GAREM1: variants seen among roughly 807,000 people sequenced by gnomAD.
GAREM1 encodes GRB2 associated regulator of MAPK1 subtype 1.
A neutral mutation model predicts 71.3 loss-of-function variants in GAREM1; 26 were observed. The observed-to-expected ratio is 0.36, with a 90% confidence interval of 0.27 to 0.51. The LOEUF (loss-of-function observed/expected upper bound fraction) is 0.51. Ranked by LOEUF, GAREM1 falls within the 20% of genes least tolerant of loss-of-function variation. The pLI, the probability that GAREM1 is intolerant of heterozygous loss-of-function variation, is 0.95. For missense variants in GAREM1, 1,026 were observed against 1,103.1 expected, an observed-to-expected ratio of 0.93 and a Z score of 0.99; for synonymous variants, 440 against 433.2, an observed-to-expected ratio of 1.02 and a Z score of -0.20.
At chr18:32,456,306 G>A (rs2048888649) in intron 1 of GAREM1, among the ~76,000 whole-genome samples, 1 of 152,128 alleles carries the variant, frequency 6.6e-6, no homozygotes, top group East Asian at 1.9e-4. Context: ...CCACAGAAGA[G>A]CAAGTCCGAG....
chr18:32,434,237 A>G lies in GAREM1; in HGVS notation c.121+36071T>C, dbSNP rs191811078. Among the ~76,000 whole-genome samples the G allele has an allele frequency of 3.5e-4, 53 of 152,330 alleles. 1 individual carries two copies. The East Asian group carries it at 9.8e-3, about 28-fold the overall frequency. ...CCTTGTTGTGTTAGGTATCAGAGTT[A>G]TACACTATGAACTCCTGAGTTCATA... On this transcript the variant is annotated intron_variant, in intron 1 of 5. Transcript: ENST00000269209.
chr18:32,287,586 A>T lies in GAREM1; in HGVS notation c.1011T>A (p.Asp337Glu). The T allele has an allele frequency of 6.2e-7, 1 of 1,614,070 alleles. No homozygotes were observed. Among genetic ancestry groups the T allele is most frequent in the Non-Finnish European group, 8.5e-7 (1 of 1,179,958 alleles). Residue 337 changes from aspartate (D) to glutamate (E), a missense_variant, in exon 4 of 6, where the codon GAT becomes GAA. Around this residue, in one of 3 missense-constraint regions of GAREM1, gnomAD observed 218 missense variants for 296.8 expected, o/e 0.73. Coordinates refer to ENST00000269209, the MANE Select transcript of GAREM1 (RefSeq NM_001242409.2). The surrounding 1 kb of genome is among the most constrained non-coding windows in gnomAD (Gnocchi z 5.9). ...CATCACGGACAGCCCGTGAATACTC[A>T]TCGATGTCGAACTGTTCTTGGCAGA... Reference protein sequence around the residue: ...LGICQEQFDIDEYSRAVRDVK... With the variant: ...LGICQEQFDIEEYSRAVRDVK...
chr18:32,379,476 C>CG (rs1223060715), intron 2 of GAREM1, among the ~76,000 whole-genome samples: 2 of 57,492 alleles, frequency 3.5e-5, no homozygotes, highest in Admixed American at 2.3e-4. Flanking sequence ...GGGTGGGGGG[C>CG]GGGGTGGATC....
At chr18:32,348,135 C>T (rs2047713759) in intron 2 of GAREM1, among the ~76,000 whole-genome samples, 1 of 152,116 alleles carries the variant, frequency 6.6e-6, no homozygotes, top group African/African-American at 2.4e-5. Flanking sequence ...GATACATTTG[C>T]CATAGAGCAA....
intron 2 of GAREM1, among the ~76,000 whole-genome samples, chr18:32,364,679 T>C (rs1473926021): frequency 1.3e-5 from 2 of 152,174 alleles, no homozygotes; most frequent in Non-Finnish European, 2.9e-5. Context: ...CAAATTAAGG[T>C]TGGTAAAATA....
intron 4 of GAREM1, among the ~76,000 whole-genome samples, chr18:32,282,109 C>T (rs978961498): frequency 2.0e-5 from 3 of 152,212 alleles, no homozygotes; most frequent in South Asian, 2.1e-4. Flanking sequence ...TATCTCCCTT[C>T]GCTGACTCTC....
intron 2 of GAREM1, among the ~76,000 whole-genome samples, chr18:32,339,488 T>C (rs539734683): frequency 5.9e-5 from 9 of 152,296 alleles, no homozygotes; most frequent in African/African-American, 2.2e-4. Flanking sequence ...GGAATCCTTA[T>C]AGACTGAAAT....
intron 2 of GAREM1, among the ~76,000 whole-genome samples, chr18:32,356,103 T>A (rs958234782): frequency 1.3e-5 from 2 of 152,186 alleles, no homozygotes; most frequent in African/African-American, 4.8e-5. Flanking sequence ...CTTGGTTTGT[T>A]TTAAGGAGCA....
At chr18:32,307,040 G>A (rs1447126296) in intron 3 of GAREM1, among the ~76,000 whole-genome samples, 1 of 152,084 alleles carries the variant, frequency 6.6e-6, no homozygotes, top group South Asian at 2.1e-4. Context: ...AATAGTACTA[G>A]TACTAGCCAT....
intron 2 of GAREM1, among the ~76,000 whole-genome samples, chr18:32,322,871 C>A (rs76120334): frequency 1.1e-4 from 16 of 152,186 alleles, no homozygotes; most frequent in Admixed American, 3.3e-4. Flanking sequence ...CTTAATTAGA[C>A]CGCAGTGCCG....
Position 32,470,841 on chromosome 18 carries a change from G to C in GAREM1, c.-413C>G, listed in dbSNP as rs1481616420. 1.3e-5 allele frequency among the ~76,000 whole-genome samples: 2 copies of C among 150,414 alleles called. No individual in the cohort carries two copies. The highest frequency in any genetic ancestry group is 3.0e-5 in the Non-Finnish European group (2 of 67,430). Reference sequence around the variant, plus strand: ...CGCCTCGAGCGTGTGAGGAGGAGCCGCGGGTCTGAGAAACGCCATAGCAGC... The same window carrying C: ...CGCCTCGAGCGTGTGAGGAGGAGCCCCGGGTCTGAGAAACGCCATAGCAGC... On this transcript the variant is annotated 5_prime_UTR_variant, in exon 1 of 6. Transcript: ENST00000269209. The surrounding 1 kb of genome is among the most constrained non-coding windows in gnomAD (Gnocchi z 4.4).
intron 3 of GAREM1, among the ~76,000 whole-genome samples, chr18:32,298,511 T>C (rs2047165353): frequency 6.6e-6 from 1 of 152,144 alleles, no homozygotes; most frequent in Non-Finnish European, 1.5e-5. Context: ...ATTCAAAGTG[T>C]GTTATCTAAA....
intron 2 of GAREM1, among the ~76,000 whole-genome samples, chr18:32,312,956 T>C (rs1222963753): frequency 6.6e-6 from 1 of 151,702 alleles, no homozygotes; most frequent in East Asian, 1.9e-4. Context: ...GAGAGAGGAG[T>C]TGTTAGAGGG....
At chr18:32,434,064 GGA>G (rs2048651616) in intron 1 of GAREM1, among the ~76,000 whole-genome samples, 1 of 152,034 alleles carries the variant, frequency 6.6e-6, no homozygotes, top group Non-Finnish European at 1.5e-5. Context: ...ACTGGTGAAT[GGA>G]GAGAGACACA....
chr18:32,333,166 A>G (rs2047554140), intron 2 of GAREM1, among the ~76,000 whole-genome samples: 1 of 151,766 alleles, frequency 6.6e-6, no homozygotes. Flanking sequence ...AGGGAAAAGA[A>G]AGAGAGAGAC....
intron 1 of GAREM1, among the ~76,000 whole-genome samples, chr18:32,426,240 C>T (rs1410822951): frequency 2.0e-5 from 3 of 151,886 alleles, no homozygotes; most frequent in South Asian, 2.1e-4. Context: ...AGGATAGTCT[C>T]GGTCTCCTGA....
chr18:32,286,591 C>A (rs1396529372), intron 4 of GAREM1, among the ~76,000 whole-genome samples: 1 of 152,108 alleles, frequency 6.6e-6, no homozygotes, highest in East Asian at 1.9e-4. Flanking sequence ...TTTCTTCATG[C>A]CTGACATCCA....
At chr18:32,435,382 G>C (rs1051226919) in intron 1 of GAREM1, among the ~76,000 whole-genome samples, 3 of 152,076 alleles carry the variant, frequency 2.0e-5, no homozygotes, top group South Asian at 2.1e-4. Context: ...GGGGAAGAAG[G>C]GTTAAGGGTA....
intron 2 of GAREM1, among the ~76,000 whole-genome samples, chr18:32,347,961 G>A (rs991896332): frequency 6.6e-6 from 1 of 152,140 alleles, no homozygotes; most frequent in African/African-American, 2.4e-5. Flanking sequence ...ACTGGTTGAG[G>A]CCTCCTTGCT....
Sources: gnomAD v4.1 joint callset for allele counts (sites outside exome capture counted in the v4.1 genomes callset) on GRCh38, gnomAD v4.1.1 for gene constraint, gnomAD v4.1.1 regional missense constraint, Gnocchi (gnomAD v3.1) non-coding constraint, MANE v1.5 for transcripts, NCBI Gene and HGNC (gene_info 2026-07-23, HGNC 2026-07-21) for gene names.